ELAC1: variants seen among roughly 807,000 people sequenced by gnomAD.
The protein encoded by ELAC1 is elaC ribonuclease Z 1.
Under a neutral mutation model 25.8 loss-of-function variants are expected in ELAC1, and 19 were observed. The ratio of observed to expected loss-of-function variants is 0.74; its 90% CI spans 0.51 to 1.08. The LOEUF is 1.08. Ranked by LOEUF, ELAC1 falls within the 50% of genes least tolerant of loss-of-function variation. The pLI is 0.00. For synonymous variants in ELAC1, 148 were observed against 160.9 expected (o/e 0.92, Z 0.61); for missense variants, 403 against 434.6 (o/e 0.93, Z 0.65).
chr18:50,986,947 C>G lies in ELAC1; in HGVS notation c.954C>G (p.Tyr318Ter). 1 of 1,613,964 alleles carries G rather than the reference C, an allele frequency of 6.2e-7. No individual in the cohort carries two copies. Among genetic ancestry groups the G allele is most frequent in the Non-Finnish European group, 8.5e-7 (1 of 1,179,940 alleles). The change falls in exon 4 of 4, where the codon TAC (tyrosine) becomes TAG (stop). Residue 318 changes from tyrosine to a stop codon, truncating the protein, a stop_gained. Coordinates refer to ENST00000269466, the MANE Select transcript of ELAC1 (RefSeq NM_018696.3). LOFTEE classifies it high-confidence loss of function. ...TTCTGACTCACTTCAGTCAGAGGTA[C>G]AAACCAGTTGCCTTGGCCAGAGAAG... is the stretch of plus-strand genomic sequence containing the variant. ...RLVLTHFSQR[Y>*]KPVALAREGE...
At chr18:50,969,593 G>A (rs1474786163) in intron 1 of ELAC1, 1 of 152,186 alleles carries the variant, frequency 6.6e-6, no homozygotes, top group African/African-American at 2.4e-5. Context: ...ATGAAATAAT[G>A]GATCCTGGCA....
At position 50,984,357 on chromosome 18, in the gene ELAC1, A is replaced by G. The variant is rs965712003; in HGVS notation, c.419A>G (p.His140Arg). Reference sequence around the variant, plus strand: ...GCAGAAGAACTAAAAGAATTTGCGCATGTGAATAGAGCAGACAGTCCTCCC... The same window carrying G: ...GCAGAAGAACTAAAAGAATTTGCGCGTGTGAATAGAGCAGACAGTCCTCCC... ...CPAEELKEFA[H>R]VNRADSPPKE... The change falls in exon 3 of 4, where the codon CAT becomes CGT. Residue 140 changes from histidine to arginine, a missense_variant. Transcript: ENST00000269466. The G allele has an allele frequency of 1.2e-5, 19 of 1,614,126 alleles. No homozygotes were observed. The highest frequency in any genetic ancestry group is 1.5e-5 in the Non-Finnish European group (18 of 1,180,042).
At chr18:50,974,131 T>C (rs982589882) in intron 1 of ELAC1, among the ~76,000 whole-genome samples, 2 of 152,232 alleles carry the variant, frequency 1.3e-5, no homozygotes, top group Non-Finnish European at 2.9e-5. Flanking sequence ...GAACATCATA[T>C]AGTTAGAATT....
Position 50,986,718 on chromosome 18 carries a change from C to T in ELAC1, c.725C>T (p.Pro242Leu), listed in dbSNP as rs1908117020. The T allele has an allele frequency of 6.2e-7, 1 of 1,613,964 alleles. No individual in the cohort carries two copies. Among genetic ancestry groups the T allele is most frequent in the Admixed American group, 1.7e-5 (1 of 60,004 alleles). ...TCTCCCCAAGATGTCTTAAAAAAGCCTATTGTTGGAAGAAAAATCTGCATA... is the reference window on the plus strand; with the variant it reads ...TCTCCCCAAGATGTCTTAAAAAAGCTTATTGTTGGAAGAAAAATCTGCATA... Reference protein sequence around the residue: ...TISPQDVLKKPIVGRKICILG... With the variant: ...TISPQDVLKKLIVGRKICILG... The change falls in exon 4 of 4, where the codon CCT (proline) becomes CTT (leucine). Residue 242 changes from proline to leucine, a missense_variant. Pro to Leu is a moderately conservative substitution (Grantham distance 98). Coordinates refer to ENST00000269466, the MANE Select transcript of ELAC1 (RefSeq NM_018696.3).
intron 2 of ELAC1, among the ~76,000 whole-genome samples, chr18:50,980,432 A>G (rs761565475): frequency 2.0e-5 from 3 of 152,212 alleles, no homozygotes; most frequent in South Asian, 4.1e-4. Context: ...AAAAGCCCAA[A>G]GGAACCTTTA....
chr18:50,978,903 G>T (rs530414409), intron 2 of ELAC1, among the ~76,000 whole-genome samples: 7 of 152,206 alleles, frequency 4.6e-5, no homozygotes, highest in Non-Finnish European at 8.8e-5. Flanking sequence ...CAATTGAACC[G>T]TAGTTATATA....
chr18:50,984,796 G>A (rs1908056483), intron 3 of ELAC1: 1 of 573,424 alleles, frequency 1.7e-6, no homozygotes, highest in Non-Finnish European at 3.1e-6. Context: ...ACTGGGTGTG[G>A]TGTCATGTGC....
rs577399701 is a variant in ELAC1 at position 50,972,960 on chromosome 18, T to C, written c.-8-1437T>C. Among the ~76,000 whole-genome samples, 7 of 152,332 alleles carry C rather than the reference T, an allele frequency of 4.6e-5. No individual in the cohort carries two copies. The East Asian group carries it at 1.3e-3, about 29-fold the overall frequency. ...ATCCCACTGGAAGTCTGATAGAATTTCCACCAAATACATCTACATTAGCTT... is the reference window on the plus strand; with the variant it reads ...ATCCCACTGGAAGTCTGATAGAATTCCCACCAAATACATCTACATTAGCTT... On this transcript the variant is annotated intron_variant, in intron 1 of 3. Transcript: ENST00000269466.
chr18:50,983,686 A>G (rs1221323769), intron 2 of ELAC1, among the ~76,000 whole-genome samples: 1 of 137,386 alleles, frequency 7.3e-6, no homozygotes, highest in African/African-American at 2.5e-5. Context: ...TCATTTCTAC[A>G]AAATTAAAAA....
At chr18:50,977,341 C>T (rs1907820401) in intron 2 of ELAC1, among the ~76,000 whole-genome samples, 2 of 152,262 alleles carry the variant, frequency 1.3e-5, no homozygotes, top group South Asian at 4.1e-4. Context: ...TGTTTCCATA[C>T]ATCCTCTGAA....
chr18:50,968,340 A>T (rs1907557672), intron 1 of ELAC1: 1 of 151,364 alleles, frequency 6.6e-6, no homozygotes, highest in Admixed American at 6.6e-5. Context: ...CTCGTGGGGG[A>T]GCCTGGGCTC....
intron 1 of ELAC1, among the ~76,000 whole-genome samples, chr18:50,972,117 T>G (rs1907682499): frequency 6.6e-6 from 1 of 151,254 alleles, no homozygotes; most frequent in Admixed American, 6.6e-5. Flanking sequence ...AAAGATTTTA[T>G]TTAGTGAAAA....
intron 1 of ELAC1, among the ~76,000 whole-genome samples, chr18:50,973,579 G>A (rs1907718530): frequency 1.3e-5 from 2 of 152,176 alleles, no homozygotes; most frequent in Non-Finnish European, 2.9e-5. Context: ...TGTTATGATT[G>A]TTCAGAGAAA....
intron 2 of ELAC1, among the ~76,000 whole-genome samples, chr18:50,976,590 T>C (rs962638311): frequency 6.6e-6 from 1 of 152,148 alleles, no homozygotes; most frequent in Non-Finnish European, 1.5e-5. Context: ...CCATGACATG[T>C]GGGGATAATG....
At chr18:50,983,969 A>G in intron 2 of ELAC1, 127 bp from the exon 3 acceptor site, 1 of 566,226 alleles carries the variant, frequency 1.8e-6, no homozygotes. Context: ...GTTTATGATG[A>G]TAAGTAGAAC....
At chr18:50,978,351 G>C (rs978666304) in intron 2 of ELAC1, among the ~76,000 whole-genome samples, 2 of 152,118 alleles carry the variant, frequency 1.3e-5, no homozygotes. Context: ...AAAAAAAAGA[G>C]GTTTAATGAA....
chr18:50,970,248 C>A (rs143908553), intron 1 of ELAC1, among the ~76,000 whole-genome samples: 64 of 152,280 alleles, frequency 4.2e-4, no homozygotes, highest in African/African-American at 1.5e-3. Flanking sequence ...AGCCACCGTA[C>A]CTGACCTTCA....
At chr18:50,975,501 T>A (rs1907778704) in intron 2 of ELAC1, among the ~76,000 whole-genome samples, 1 of 151,398 alleles carries the variant, frequency 6.6e-6, no homozygotes, top group Admixed American at 6.6e-5. Context: ...GTACGTTCCA[T>A]GATCATTTAT....
chr18:50,985,759 TG>T (rs1260548053), intron 3 of ELAC1, among the ~76,000 whole-genome samples: 1 of 152,214 alleles, frequency 6.6e-6, no homozygotes, highest in East Asian at 1.9e-4. Context: ...ACATGATCTG[TG>T]TTGGAATTGG....
Sources: gnomAD v4.1 joint callset for allele counts (sites outside exome capture counted in the v4.1 genomes callset) on GRCh38, gnomAD v4.1.1 for gene constraint, MANE v1.5 for transcripts, NCBI Gene and HGNC (gene_info 2026-07-23, HGNC 2026-07-21) for gene names.